The following NLRP8 variants were observed in gnomAD, a reference collection of about 807,000 sequenced individuals.
NLRP8 encodes NLR family pyrin domain containing 8.
In NLRP8, 86 loss-of-function variants were observed where a neutral mutation model predicts 88.7. The ratio of observed to expected loss-of-function variants is 0.97; its 90% CI spans 0.81 to 1.16. NLRP8 has a LOEUF of 1.16. Among genes scored for constraint, NLRP8 ranks in the 50% most tolerant of loss-of-function variants. NLRP8 has a pLI of 0.00. For missense variants in NLRP8, 1,342 were observed against 1,286.5 expected, an observed-to-expected ratio of 1.04 and a Z score of -0.66; for synonymous variants, 504 against 494.6, an observed-to-expected ratio of 1.02 and a Z score of -0.25.
At chr19:55,950,264 A>T (rs891947005) in intron 1 of NLRP8, among the ~76,000 whole-genome samples, 1 of 151,532 alleles carries the variant, frequency 6.6e-6, no homozygotes, top group Non-Finnish European at 1.5e-5. Context: ...TACAAAAAAA[A>T]AAAAAATAGC....
chr19:55,980,030 C>A (rs1013709940), intron 9 of NLRP8, among the ~76,000 whole-genome samples: 1 of 152,174 alleles, frequency 6.6e-6, no homozygotes, highest in Non-Finnish European at 1.5e-5. Context: ...CTGTTCAAAC[C>A]CCCAACTCCC....
intron 5 of NLRP8, among the ~76,000 whole-genome samples, chr19:55,967,404 A>G (rs306493): frequency 0.57 from 86,855 of 152,004 alleles, 24,979 homozygotes; most frequent in East Asian, 0.67. Context: ...CATGAGTTCA[A>G]TTGTTTTGGT....
chr19:55,957,670 TAATTATATA>T (rs1466660468), intron 3 of NLRP8, among the ~76,000 whole-genome samples: 53 of 51,860 alleles, frequency 1.0e-3, no homozygotes, highest in African/African-American at 3.9e-3. Context: ...GAAAAAATAA[TAATTATATA>T]TATATATATA....
chr19:55,974,077 A>T (rs564084012), intron 7 of NLRP8, among the ~76,000 whole-genome samples: 2 of 151,984 alleles, frequency 1.3e-5, no homozygotes, highest in Non-Finnish European at 2.9e-5. Context: ...ACTGCAGGGT[A>T]TTTTAAATTT....
chr19:55,963,848 A>G (rs941706368), intron 4 of NLRP8, among the ~76,000 whole-genome samples: 1 of 152,050 alleles, frequency 6.6e-6, no homozygotes, highest in Admixed American at 6.6e-5. Context: ...AGCCATTGCA[A>G]CCAGCCACTA....
chr19:55,953,627 G>A (rs140599701), intron 2 of NLRP8, among the ~76,000 whole-genome samples: 219 of 152,018 alleles, frequency 1.4e-3, no homozygotes, highest in African/African-American at 5.0e-3. Flanking sequence ...AGCCTCCTGC[G>A]TAGCTGGGAT....
At chr19:55,964,761 A>G (rs927136368) in intron 4 of NLRP8, among the ~76,000 whole-genome samples, 4 of 151,872 alleles carry the variant, frequency 2.6e-5, no homozygotes, top group African/African-American at 9.7e-5. Flanking sequence ...CAAAAAAAAA[A>G]AAAAGAAAAA....
At position 55,962,117 on chromosome 19, in the gene NLRP8, T is replaced by G. The variant is rs774549705; in HGVS notation, c.2093T>G (p.Val698Gly). 9.9e-6 allele frequency: 16 copies of G among 1,614,114 alleles called. No individual in the cohort carries two copies. The African/African-American group carries it at 1.9e-4, about 19-fold the overall frequency. ...CGTTGGTGGCAAGACTTATGCTCTG[T>G]GTTTGCAACGAATGATAAGCTGGAA... Residue 698 changes from valine (V) to glycine (G), a missense_variant, in exon 4 of 10, where the codon GTG becomes GGG. Val to Gly is a moderately radical substitution (Grantham distance 109). Coordinates refer to ENST00000291971, the MANE Select transcript of NLRP8 (RefSeq NM_176811.2).
At position 55,955,528 on chromosome 19, in the gene NLRP8, G is replaced by T. The variant is rs986472909; in HGVS notation, c.1470G>T (p.Met490Ile). 5 of 1,614,062 alleles carry T rather than the reference G, an allele frequency of 3.1e-6. No individual in the cohort carries two copies. In the African/African-American group the frequency reaches 6.7e-5, roughly 22 times the overall value. Residue 490 changes from methionine to isoleucine, a missense_variant, in exon 3 of 10, where the codon ATG (methionine) becomes ATT (isoleucine). By Grantham distance (10) the Met-to-Ile change is conservative. Coordinates refer to ENST00000291971, the MANE Select transcript of NLRP8 (RefSeq NM_176811.2). ...CGGGAGTCACCGCCTTCCTTGGCAT[G>T]AGTATTCTTCGGAGAATTGCAGGTG...
At position 55,956,097 on chromosome 19, in the gene NLRP8, C is replaced by T. The variant is rs1421836077; in HGVS notation, c.2039C>T (p.Ser680Phe). 1 of 1,610,898 alleles carries T rather than the reference C, an allele frequency of 6.2e-7. No homozygotes were observed. Among genetic ancestry groups the T allele is most frequent in the South Asian group, 1.1e-5 (1 of 90,566 alleles). ...CTCAGCTCCAGCTCCCATCCTGGCTCTGAGTAAGTGCTTCGGTCCCTCCTT... is the reference window on the plus strand; with the variant it reads ...CTCAGCTCCAGCTCCCATCCTGGCTTTGAGTAAGTGCTTCGGTCCCTCCTT... Residue 680 changes from serine to phenylalanine, a missense_variant, in exon 3 of 10, where the codon TCT (serine) becomes TTT (phenylalanine). Physicochemically the swap from Ser to Phe is radical, Grantham distance 155. Transcript: ENST00000291971.
chr19:55,955,329 C>G lies in NLRP8; in HGVS notation c.1271C>G (p.Thr424Ser). ...CTCACACAGTCATGTCCAAATGCCA[C>G]CTCTGTGTTCGTCCGGTATATTTCT... The change falls in exon 3 of 10, where the codon ACC becomes AGC. Residue 424 changes from threonine to serine, a missense_variant. Thr to Ser is a moderately conservative substitution (Grantham distance 58). Transcript: ENST00000291971. The G allele has an allele frequency of 6.2e-7, 1 of 1,614,166 alleles. No homozygotes were observed. Among genetic ancestry groups the G allele is most frequent in the Non-Finnish European group, 8.5e-7 (1 of 1,180,032 alleles).
intron 8 of NLRP8, among the ~76,000 whole-genome samples, chr19:55,977,707 C>A (rs10412706): frequency 0.023 from 3,460 of 151,464 alleles, 139 homozygotes; most frequent in African/African-American, 0.075. Context: ...TTGTAAACAT[C>A]TCCTCTCATG....
chr19:55,965,513 A>G (rs995444187), intron 4 of NLRP8, among the ~76,000 whole-genome samples: 1 of 152,258 alleles, frequency 6.6e-6, no homozygotes, highest in Middle Eastern at 3.4e-3. Flanking sequence ...AAAATTTTAA[A>G]ACCAAAAGCA....
intron 8 of NLRP8, among the ~76,000 whole-genome samples, chr19:55,977,874 T>C (rs983599996): frequency 6.6e-6 from 1 of 152,178 alleles, no homozygotes; most frequent in Non-Finnish European, 1.5e-5. Context: ...TTTTTGTTGA[T>C]GATTTGCTTC....
intron 4 of NLRP8, among the ~76,000 whole-genome samples, chr19:55,964,391 C>T (rs1354162208): frequency 6.6e-6 from 1 of 152,212 alleles, no homozygotes; most frequent in Non-Finnish European, 1.5e-5. Context: ...GGATGTTAAG[C>T]TGAGAACTCA....
rs751749681 is a variant in NLRP8 at position 55,948,250 on chromosome 19, A to G, written c.348A>G (p.Val116=). The change falls in exon 1 of 10, where the codon GTA becomes GTG. Residue 116 remains valine (V), a synonymous_variant. Transcript: ENST00000291971. Reference sequence around the variant, plus strand: ...TGAACTGTGATAAAATGTGTGTTGTAGTCCGCAGAGAGATAAATGGTGAGT... The same window carrying G: ...TGAACTGTGATAAAATGTGTGTTGTGGTCCGCAGAGAGATAAATGGTGAGT... The G allele has an allele frequency of 1.1e-5, 17 of 1,612,936 alleles. No homozygotes were observed. The highest frequency in any genetic ancestry group is 1.6e-4 in the Middle Eastern group (1 of 6,076).
chr19:55,960,001 A>G (rs951694286), intron 3 of NLRP8, among the ~76,000 whole-genome samples: 1 of 152,034 alleles, frequency 6.6e-6, no homozygotes, highest in Non-Finnish European at 1.5e-5. Flanking sequence ...CCCCAATAAA[A>G]CTTGTTTGTG....
chr19:55,962,287 T>A, intron 4 of NLRP8, 50 bp downstream of exon 4: 3 of 1,553,886 alleles, frequency 1.9e-6, no homozygotes, highest in Non-Finnish European at 2.6e-6. Context: ...AGATGGTCTG[T>A]TTCCCATCCA....
chr19:55,977,365 A>C (rs1461409048), intron 8 of NLRP8, among the ~76,000 whole-genome samples: 1 of 144,834 alleles, frequency 6.9e-6, no homozygotes, highest in African/African-American at 2.5e-5. Flanking sequence ...ATTTATATAT[A>C]AGTATATATA....
Sources: allele counts gnomAD v4.1 joint callset (sites outside exome capture counted in the v4.1 genomes callset), GRCh38; gene constraint gnomAD v4.1.1; transcripts MANE v1.5; gene names NCBI Gene and HGNC (gene_info 2026-07-23, HGNC 2026-07-21).